Variants in GRAMD4 observed in about 807,000 individuals in gnomAD.
GRAMD4 encodes the protein GRAM domain containing 4.
In GRAMD4, 25 loss-of-function variants were observed where a neutral mutation model predicts 83.9. That is an observed-to-expected ratio of 0.30 (90% CI 0.22 to 0.42). GRAMD4 has a LOEUF of 0.42. GRAMD4 is among the 10% of genes least tolerant of loss of function. GRAMD4 has a pLI of 1.00. For synonymous variants in GRAMD4, 336 were observed against 320.9 expected, an observed-to-expected ratio of 1.05 and a Z score of -0.50; for missense variants, 593 against 788.7, an observed-to-expected ratio of 0.75 and a Z score of 2.97.
chr22:46,604,242 C>T (rs1319778209), intron 1 of GRAMD4, among the ~76,000 whole-genome samples: 1 of 152,136 alleles, frequency 6.6e-6, no homozygotes, highest in East Asian at 1.9e-4. Flanking sequence ...GGCTATTTGG[C>T]TTGTTTATTT....
intron 1 of GRAMD4, among the ~76,000 whole-genome samples, chr22:46,602,980 A>G (rs929845190): frequency 5.3e-5 from 8 of 151,754 alleles, no homozygotes; most frequent in African/African-American, 1.7e-4. Context: ...TGATCTCGCT[A>G]TCTGCCTGCC....
intron 2 of GRAMD4, among the ~76,000 whole-genome samples, chr22:46,627,751 G>A (rs1026742162): frequency 5.3e-5 from 8 of 152,244 alleles, no homozygotes; most frequent in East Asian, 1.9e-4. Flanking sequence ...GGCTCCTTGC[G>A]TTGCTAATGC....
At chr22:46,594,522 T>G (rs1233019849) in intron 1 of GRAMD4, among the ~76,000 whole-genome samples, 2 of 117,054 alleles carry the variant, frequency 1.7e-5, no homozygotes, top group African/African-American at 3.5e-5. Context: ...CCTGGCCCTC[T>G]GGGGGGCCCT....
chr22:46,643,144 C>T (rs374846704), intron 3 of GRAMD4, among the ~76,000 whole-genome samples: 70 of 34,068 alleles, frequency 2.1e-3, no homozygotes, highest in Middle Eastern at 0.012. Flanking sequence ...TGCATCCTTC[C>T]ATCCATCCAT....
rs928027418 is a variant in GRAMD4 at position 46,637,037 on chromosome 22, C to T, written c.163-803C>T. On this transcript the variant is annotated intron_variant, in intron 2 of 18. Coordinates refer to ENST00000406902, the MANE Select transcript of GRAMD4 (RefSeq NM_015124.5). ...GCCGCTGTTCGGAGTTTGCTCACCT[C>T]GGTTGCGGCAGACCCTTCTGCCCGG... Among the ~76,000 whole-genome samples, 7 of 152,198 alleles carry T rather than the reference C, an allele frequency of 4.6e-5. No homozygotes were observed. In the East Asian group the frequency reaches 5.8e-4, roughly 13 times the overall value.
At chr22:46,575,943 G>C (rs1317199596), upstream of GRAMD4, 2 of 152,356 alleles carry the variant, frequency 1.3e-5, no homozygotes, top group African/African-American at 2.4e-5. Flanking sequence ...GGATCAAAGA[G>C]AGGCCCTGAA....
Position 46,677,206 on chromosome 22 carries a change from G to A in GRAMD4, c.1692G>A (p.Gln564=). ...RDEAFETILS[Q]YIKITSAAAS... ...AGGCCTTCGAGACCATTCTCAGCCA[G>A]TACATCAAGATCACCTCAGCGGCAG... is the stretch of plus-strand genomic sequence containing the variant. Residue 564 remains glutamine, a synonymous_variant, in exon 19 of 19, where the codon CAG becomes CAA. Coordinates refer to ENST00000406902, the MANE Select transcript of GRAMD4 (RefSeq NM_015124.5). 1 of 1,613,792 alleles carries A rather than the reference G, an allele frequency of 6.2e-7. No individual in the cohort carries two copies. Among genetic ancestry groups the A allele is most frequent in the Non-Finnish European group, 8.5e-7 (1 of 1,179,884 alleles).
chr22:46,629,574 A>G (rs949025674), intron 2 of GRAMD4, among the ~76,000 whole-genome samples: 2 of 152,130 alleles, frequency 1.3e-5, no homozygotes, highest in Non-Finnish European at 2.9e-5. Context: ...TTACACGGGC[A>G]GCCTCCCAGA....
chr22:46,620,113 C>A (rs962819207), upstream of GRAMD4, among the ~76,000 whole-genome samples: 9 of 151,960 alleles, frequency 5.9e-5, no homozygotes, highest in African/African-American at 2.2e-4. The surrounding 1 kb of genome is among the most constrained non-coding windows in gnomAD (Gnocchi z 4.7). Context: ...AGACCAGGAA[C>A]CACTTTTTTT....
At chr22:46,662,304 A>G (rs2082339298) in intron 5 of GRAMD4, among the ~76,000 whole-genome samples, 2 of 152,130 alleles carry the variant, frequency 1.3e-5, no homozygotes, top group Non-Finnish European at 2.9e-5. Context: ...CCCCCTGGGT[A>G]TGGTGACCAC....
chr22:46,638,055 G>T, intron 3 of GRAMD4, 95 bp downstream of exon 3: 1 of 1,323,336 alleles, frequency 7.6e-7, no homozygotes, highest in South Asian at 1.3e-5. Flanking sequence ...TGGGTCTGGT[G>T]AAGACCCACG....
Position 46,679,519 on chromosome 22 carries a change from A to G in GRAMD4, c.*2268A>G. Reference sequence around the variant, plus strand: ...AGCTGTAGTTTTTACCAAATTGTGTACATCTGGGCAGATGTTTAATTTCTG... The same window carrying G: ...AGCTGTAGTTTTTACCAAATTGTGTGCATCTGGGCAGATGTTTAATTTCTG... On this transcript the variant is annotated 3_prime_UTR_variant, in exon 19 of 19. Transcript: ENST00000406902. 1 of 985,560 alleles carries G rather than the reference A, an allele frequency of 1.0e-6. No homozygotes were observed. Among genetic ancestry groups the G allele is most frequent in the East Asian group, 1.1e-4 (1 of 8,810 alleles). The allele number at this position is 985,560 out of a possible 1,614,324, so 61.1% of individuals were successfully genotyped here.
intron 1 of GRAMD4, among the ~76,000 whole-genome samples, chr22:46,589,850 C>A (rs2081189156): frequency 6.6e-6 from 1 of 152,160 alleles, no homozygotes; most frequent in Non-Finnish European, 1.5e-5. Flanking sequence ...TGCTCCCCAG[C>A]AGCCTGACTG....
At chr22:46,668,602 C>T in intron 11 of GRAMD4, 87 bp from the exon 12 acceptor site, 2 of 1,260,752 alleles carry the variant, frequency 1.6e-6, no homozygotes, top group Admixed American at 1.7e-5. Context: ...CTCAGGGCTG[C>T]CCGACCTGGA....
chr22:46,640,935 C>G (rs2081966620), intron 3 of GRAMD4, among the ~76,000 whole-genome samples: 1 of 151,984 alleles, frequency 6.6e-6, no homozygotes, highest in East Asian at 1.9e-4. Flanking sequence ...AGCCACGAGT[C>G]TAATATCACA....
intron 2 of GRAMD4, among the ~76,000 whole-genome samples, chr22:46,635,715 A>C (rs1273050751): frequency 2.6e-3 from 141 of 54,668 alleles, no homozygotes; most frequent in South Asian, 4.6e-3. Flanking sequence ...ACCCCTGACC[A>C]CTCCTGTCCT....
intron 1 of GRAMD4, among the ~76,000 whole-genome samples, chr22:46,597,523 T>C (rs1176709188): frequency 6.6e-6 from 1 of 152,206 alleles, no homozygotes; most frequent in African/African-American, 2.4e-5. Context: ...GGAGTCTCGC[T>C]CTGTCGCCCA....
In GRAMD4 at chr22:46,626,917, G is replaced by A. The variant is rs75994818; in HGVS notation, c.118G>A (p.Val40Ile). 3.2e-5 allele frequency: 52 copies of A among 1,614,040 alleles called. 1 individual carries two copies. The South Asian group carries it at 5.7e-4, about 18-fold the overall frequency. ...ATGCAGCGACGAAATCCCCCTGAAG[G>A]TACCGCGGACCTCGCCCCGGGACAG... is the stretch of plus-strand genomic sequence containing the variant. ...TECSDEIPLK[V>I]PRTSPRDSEE... Residue 40 changes from valine to isoleucine, a missense_variant, in exon 2 of 19, where the codon GTA becomes ATA. Physicochemically the swap from Val to Ile is conservative, Grantham distance 29. Coordinates refer to ENST00000406902, the MANE Select transcript of GRAMD4 (RefSeq NM_015124.5).
chr22:46,652,644 G>A (rs915962577), intron 3 of GRAMD4, among the ~76,000 whole-genome samples: 1 of 152,212 alleles, frequency 6.6e-6, no homozygotes, highest in African/African-American at 2.4e-5. Context: ...CGTCCTCAGT[G>A]TCTGTGAGCA....
Sources: allele counts gnomAD v4.1 joint callset (sites outside exome capture counted in the v4.1 genomes callset), GRCh38; gene constraint gnomAD v4.1.1; non-coding constraint Gnocchi (gnomAD v3.1); transcripts MANE v1.5; gene names NCBI Gene and HGNC (gene_info 2026-07-23, HGNC 2026-07-21).